The following ULK4 variants were observed in gnomAD, a reference collection of about 807,000 sequenced individuals.
The protein encoded by ULK4 is unc-51 like kinase 4.
In ULK4, 133 loss-of-function variants were observed where a neutral mutation model predicts 160.6. That is an observed-to-expected ratio of 0.83 (90% confidence interval 0.72 to 0.96). The LOEUF (loss-of-function observed/expected upper bound fraction) is 0.96, where lower values mean the gene tolerates loss of function less well. Ranked by LOEUF, ULK4 falls within the 40% of genes least tolerant of loss-of-function variation. The probability of loss-of-function intolerance (pLI) is 0.00; values close to 1 mark genes in which losing one functional copy is unlikely to be tolerated. For missense variants in ULK4, 1,580 were observed against 1,499.5 expected, an observed-to-expected ratio of 1.05 and a Z score of -0.89; for synonymous variants, 534 against 539.8, an observed-to-expected ratio of 0.99 and a Z score of 0.15.
intron 30 of ULK4, among the ~76,000 whole-genome samples, chr3:41,658,877 T>C (rs1193293340): frequency 6.6e-6 from 1 of 151,900 alleles, no homozygotes; most frequent in Non-Finnish European, 1.5e-5. Flanking sequence ...TTTTTAAAAT[T>C]AAAATGAAAT....
intron 32 of ULK4, among the ~76,000 whole-genome samples, chr3:41,500,313 G>T (rs1380415455): frequency 2.7e-5 from 4 of 148,698 alleles, no homozygotes; most frequent in Non-Finnish European, 4.4e-5. Context: ...ATCATTTAAG[G>T]CACTGGTTCT....
chr3:41,900,914 C>T, intron 12 of ULK4, 85 bp from the exon 13 acceptor site: 1 of 919,758 alleles, frequency 1.1e-6, no homozygotes, highest in Non-Finnish European at 1.7e-6. Flanking sequence ...CTGAGGAAGA[C>T]ACCACTGTAA....
intron 22 of ULK4, among the ~76,000 whole-genome samples, chr3:41,718,941 A>C (rs79868207): frequency 0.053 from 8,005 of 152,198 alleles, 656 homozygotes; most frequent in African/African-American, 0.18. Context: ...ATCAGTTAGC[A>C]TCTTCTGTTC....
intron 31 of ULK4, among the ~76,000 whole-genome samples, chr3:41,591,098 G>GA (rs369519690): frequency 2.0e-5 from 3 of 150,902 alleles, no homozygotes; most frequent in South Asian, 4.2e-4. Flanking sequence ...CTTAAAAGGG[G>GA]AAAAAAAAGA....
chr3:41,823,788 T>C (rs528844974), intron 18 of ULK4, among the ~76,000 whole-genome samples: 3 of 152,224 alleles, frequency 2.0e-5, no homozygotes, highest in African/African-American at 7.2e-5. Context: ...CTTTTCCAGT[T>C]TGCTATCACG....
intron 32 of ULK4, among the ~76,000 whole-genome samples, chr3:41,478,913 C>T (rs1260339389): frequency 6.6e-6 from 1 of 152,204 alleles, no homozygotes; most frequent in Non-Finnish European, 1.5e-5. Flanking sequence ...AACTTACTTT[C>T]CAATTACGTC....
intron 21 of ULK4, among the ~76,000 whole-genome samples, chr3:41,773,022 C>G (rs2039456531): frequency 6.6e-6 from 1 of 152,178 alleles, no homozygotes; most frequent in Non-Finnish European, 1.5e-5. Flanking sequence ...ATTCAACAAT[C>G]CTTCATGCTA....
intron 30 of ULK4, among the ~76,000 whole-genome samples, chr3:41,655,338 G>C (rs2034895589): frequency 7.1e-6 from 1 of 140,024 alleles, no homozygotes; most frequent in South Asian, 2.4e-4. Context: ...GAGAACACAT[G>C]GACACAGGAA....
chr3:41,397,153 C>T (rs755400048), intron 35 of ULK4, among the ~76,000 whole-genome samples: 1 of 152,088 alleles, frequency 6.6e-6, no homozygotes. Flanking sequence ...CCTTTATTAA[C>T]TTCAACACTA....
chr3:41,693,325 G>A (rs547080431), intron 27 of ULK4, among the ~76,000 whole-genome samples: 7 of 152,262 alleles, frequency 4.6e-5, no homozygotes, highest in South Asian at 4.1e-4. Flanking sequence ...CTCTTCTAGC[G>A]ATTAAACCAG....
chr3:41,895,121 AAC>A (rs1559634485), intron 16 of ULK4, among the ~76,000 whole-genome samples: 1 of 152,196 alleles, frequency 6.6e-6, no homozygotes, highest in East Asian at 1.9e-4. Context: ...TCAAAACAGT[AAC>A]AGTTAGCCAG....
At chr3:41,949,855 A>G (rs11717678) in intron 2 of ULK4, among the ~76,000 whole-genome samples, 125,049 of 150,614 alleles carry the variant, frequency 0.83, 55,299 homozygotes, top group Non-Finnish European at 0.98. Context: ...TCCTGTCTCA[A>G]CCTCCCAAGT....
intron 35 of ULK4, among the ~76,000 whole-genome samples, chr3:41,307,860 GC>G (rs1457607993): frequency 3.5e-4 from 53 of 152,048 alleles, no homozygotes; most frequent in African/African-American, 1.1e-3. Flanking sequence ...ATAATATATA[GC>G]TAAAGTGGTA....
At chr3:41,432,558 T>C (rs1468320323) in intron 34 of ULK4, among the ~76,000 whole-genome samples, 3 of 152,120 alleles carry the variant, frequency 2.0e-5, no homozygotes, top group African/African-American at 7.2e-5. Flanking sequence ...CTATCAATCA[T>C]CTCCTTTTGT....
intron 32 of ULK4, among the ~76,000 whole-genome samples, chr3:41,548,123 C>T (rs1036882667): frequency 1.3e-5 from 2 of 152,128 alleles, no homozygotes; most frequent in Admixed American, 1.3e-4. Context: ...CTGAGCACAC[C>T]ATACAGGAAC....
intron 35 of ULK4, among the ~76,000 whole-genome samples, chr3:41,309,312 A>G (rs1270298958): frequency 3.9e-5 from 6 of 152,120 alleles, no homozygotes; most frequent in African/African-American, 1.4e-4. Context: ...AAACTGTAGA[A>G]CAACAAAGAT....
intron 19 of ULK4, among the ~76,000 whole-genome samples, chr3:41,819,056 G>A (rs1323709152): frequency 6.6e-6 from 1 of 152,206 alleles, no homozygotes; most frequent in Non-Finnish European, 1.5e-5. Context: ...ATAATCATGG[G>A]TTGTCTCAGG....
rs374201295 is a variant in ULK4, at chr3:41,290,106, G to A, written c.3679-40532C>T. On this transcript the variant is annotated intron_variant, in intron 35 of 36. Transcript: ENST00000301831. ...GTCAGGCTGGTCTCGAACTCCTGAC[G>A]TCAGGTGATCTGCCCGCCTTGGCCT... Among the ~76,000 whole-genome samples, 201 of 152,144 alleles carry A rather than the reference G, an allele frequency of 1.3e-3. 1 individual carries two copies. The highest frequency in any genetic ancestry group is 1.5e-3 in the African/African-American group (61 of 41,524).
intron 32 of ULK4, among the ~76,000 whole-genome samples, chr3:41,508,210 C>T (rs950452245): frequency 1.3e-5 from 2 of 152,094 alleles, no homozygotes; most frequent in African/African-American, 4.8e-5. Context: ...CAGATGCAGC[C>T]GTAATCCTCT....
Sources: gnomAD v4.1 joint callset for allele counts (sites outside exome capture counted in the v4.1 genomes callset) on GRCh38, gnomAD v4.1.1 for gene constraint, MANE v1.5 for transcripts, NCBI Gene and HGNC (gene_info 2026-07-23, HGNC 2026-07-21) for gene names.